The following FARS2 variants were observed in gnomAD, a reference collection of about 807,000 sequenced individuals.
The protein encoded by FARS2 is phenylalanyl-tRNA synthetase 2, mitochondrial.
A neutral mutation model predicts 46.4 loss-of-function variants in FARS2; 40 were observed. The observed-to-expected ratio is 0.86, with a 90% CI of 0.67 to 1.12. The LOEUF (loss-of-function observed/expected upper bound fraction) is 1.12, where lower values mean the gene tolerates loss of function less well. Among genes scored for constraint, FARS2 ranks in the 50% most tolerant of loss-of-function variants. FARS2 has a pLI of 0.00. For synonymous variants in FARS2, 234 were observed against 214.9 expected (o/e 1.09, Z -0.78); for missense variants, 513 against 567.9 (o/e 0.90, Z 0.98).
chr6:5,357,648 A>C (rs1244880458), intron 1 of FARS2, among the ~76,000 whole-genome samples: 1 of 152,246 alleles, frequency 6.6e-6, no homozygotes, highest in African/African-American at 2.4e-5. Flanking sequence ...AAATTTTATC[A>C]AGAACTTACT....
chr6:5,708,502 G>A (rs11757961), intron 6 of FARS2, among the ~76,000 whole-genome samples: 62,916 of 151,918 alleles, frequency 0.41, 15,637 homozygotes, highest in Non-Finnish European at 0.57. Context: ...GGTGAAAAGG[G>A]GGCTCAGTCA....
At chr6:5,711,500 T>C (rs1313696130) in intron 6 of FARS2, among the ~76,000 whole-genome samples, 1 of 152,152 alleles carries the variant, frequency 6.6e-6, no homozygotes, top group Non-Finnish European at 1.5e-5. Context: ...GACCACTGCT[T>C]CCACCACGTG....
chr6:5,549,861 CA>C (rs1771266616), intron 5 of FARS2, among the ~76,000 whole-genome samples: 1 of 152,140 alleles, frequency 6.6e-6, no homozygotes, highest in African/African-American at 2.4e-5. Context: ...AAAATACATT[CA>C]GCCTATCCCA....
intron 3 of FARS2, among the ~76,000 whole-genome samples, chr6:5,422,269 A>G (rs1582058499): frequency 1.3e-5 from 2 of 152,274 alleles, no homozygotes; most frequent in African/African-American, 2.4e-5. Flanking sequence ...GGCCCCTTCC[A>G]CAATGCGTGG....
At position 5,685,132 on chromosome 6, in the gene FARS2, G is replaced by T. The variant is rs576721377; in HGVS notation, c.1217+71812G>T. ...AGCCCAAGAAGCAGCAGAGGCAGCC[G>T]CAAGCAGAATGGAAGCAAAAGGGGA... On this transcript the variant is annotated intron_variant, in intron 6 of 6. Transcript: ENST00000274680. Among the ~76,000 whole-genome samples, 6 of 151,980 alleles carry T rather than the reference G, an allele frequency of 3.9e-5. No homozygotes were observed. In the South Asian group the frequency reaches 1.2e-3, roughly 32 times the overall value.
rs1476347462 is a variant in FARS2 at position 5,311,330 on chromosome 6, G to A, written c.-22+49670G>A. 1.3e-5 allele frequency among the ~76,000 whole-genome samples: 2 copies of A among 152,206 alleles called. No individual in the cohort carries two copies. The highest frequency in any genetic ancestry group is 6.5e-5 in the Admixed American group (1 of 15,270). On this transcript the variant is annotated intron_variant, in intron 1 of 6. Coordinates refer to ENST00000274680, the MANE Select transcript of FARS2 (RefSeq NM_006567.5). This position sits in a 1 kb window ranked among gnomAD's most constrained non-coding sequence, Gnocchi z 4.1. Reference sequence around the variant, plus strand: ...AGGGGTTCCCTCAACCCCTTCAAAAGGGATCACAGGAAACTTTTAGGAAAG... The same window carrying A: ...AGGGGTTCCCTCAACCCCTTCAAAAAGGATCACAGGAAACTTTTAGGAAAG...
chr6:5,412,420 T>A (rs1201173954), intron 3 of FARS2, among the ~76,000 whole-genome samples: 1 of 152,248 alleles, frequency 6.6e-6, no homozygotes, highest in Non-Finnish European at 1.5e-5. Flanking sequence ...TTGCTGCCAC[T>A]GTCTTCATCC....
intron 1 of FARS2, among the ~76,000 whole-genome samples, chr6:5,268,652 T>C (rs896721000): frequency 1.7e-4 from 26 of 152,240 alleles, no homozygotes; most frequent in African/African-American, 6.3e-4. Flanking sequence ...CCTCTAGCTT[T>C]GTTCTTTTTG....
In FARS2 at chr6:5,365,290, T is replaced by G. The variant is rs575672449; in HGVS notation, c.-21-3260T>G. ...AGATACCATTTGAACTTAACAATCT[T>G]GGACCTTTGATTGAGAAGTATACTT... On this transcript the variant is annotated intron_variant, in intron 1 of 6. Transcript: ENST00000274680. Among the ~76,000 whole-genome samples, 32 of 149,132 alleles carry G rather than the reference T, an allele frequency of 2.1e-4. No individual in the cohort carries two copies. The South Asian group carries it at 6.5e-3, about 30-fold the overall frequency.
At position 5,765,926 on chromosome 6, in the gene FARS2, G is replaced by T. The variant is rs1014393371; in HGVS notation, c.1218-5365G>T. Among the ~76,000 whole-genome samples the T allele has an allele frequency of 6.6e-6, 1 of 152,094 alleles. No homozygotes were observed. Among genetic ancestry groups the T allele is most frequent in the Non-Finnish European group, 1.5e-5 (1 of 68,016 alleles). ...AACTGGTGACAATGGAAGCCCCAGAGGTTCAAACATTCTAAGATGCCTATA... is the reference window on the plus strand; with the variant it reads ...AACTGGTGACAATGGAAGCCCCAGATGTTCAAACATTCTAAGATGCCTATA... On this transcript the variant is annotated intron_variant, in intron 6 of 6. Coordinates refer to ENST00000274680, the MANE Select transcript of FARS2 (RefSeq NM_006567.5). This position sits in a 1 kb window ranked among gnomAD's most constrained non-coding sequence, Gnocchi z 4.0.
Position 5,315,738 on chromosome 6 carries a change from T to TTTCTTTCTTTCTTTTTTTCTTTCTTTC in FARS2, c.-21-52809_-21-52808insTTTCTTTCTTTTTTTCTTTCTTTCTTC. ...TTTCTCTTTCTTTCTTTCTTTCTTT[T>TTTCTTTCTTTCTTTTTTTCTTTCTTTC]TTCCTTTCTTTCTTTCTTTCTTTTT... On this transcript the variant is annotated intron_variant, in intron 1 of 6. Coordinates refer to ENST00000274680, the MANE Select transcript of FARS2 (RefSeq NM_006567.5). Among the ~76,000 whole-genome samples the TTTCTTTCTTTCTTTTTTTCTTTCTTTC allele has an allele frequency of 4.3e-4, 54 of 125,254 alleles. 1 individual carries two copies. The highest frequency in any genetic ancestry group is 2.6e-3 in the South Asian group (10 of 3,862). 82.2% of individuals were successfully genotyped at this position (125,254 alleles called of 152,430 possible).
chr6:5,751,849 G>A (rs1222976160), intron 6 of FARS2, among the ~76,000 whole-genome samples: 2 of 152,206 alleles, frequency 1.3e-5, no homozygotes, highest in African/African-American at 2.4e-5. Flanking sequence ...TTCAGTTTGT[G>A]CCTGAGTGCC....
chr6:5,493,209 CAA>C (rs34541325), intron 4 of FARS2, among the ~76,000 whole-genome samples: 85 of 92,826 alleles, frequency 9.2e-4, no homozygotes, highest in East Asian at 3.9e-3. Context: ...GACTGTGTCT[CAA>C]AAAAAAAAAA....
At chr6:5,616,029 A>C (rs1048418284) in intron 6 of FARS2, among the ~76,000 whole-genome samples, 9 of 151,156 alleles carry the variant, frequency 6.0e-5, no homozygotes, top group African/African-American at 1.7e-4. Context: ...AAAAAAAAAA[A>C]AAAAAACAAC....
At chr6:5,467,037 A>C (rs1167499654) in intron 4 of FARS2, 2 of 985,018 alleles carry the variant, frequency 2.0e-6, no homozygotes, top group Non-Finnish European at 2.4e-6. Flanking sequence ...AGTTTTATAG[A>C]TGGACCATGG....
intron 6 of FARS2, among the ~76,000 whole-genome samples, chr6:5,696,539 A>G (rs9502329): frequency 0.4 from 61,011 of 151,982 alleles, 12,864 homozygotes; most frequent in East Asian, 0.69. Context: ...AAAGTATTCT[A>G]TACACCATTA....
chr6:5,668,617 A>T (rs1490768534), intron 6 of FARS2, among the ~76,000 whole-genome samples: 2 of 151,848 alleles, frequency 1.3e-5, no homozygotes, highest in African/African-American at 4.8e-5. Flanking sequence ...GGAATATCCA[A>T]GTTTGAATCC....
At chr6:5,564,053 G>GCTT (rs1446057368) in intron 5 of FARS2, among the ~76,000 whole-genome samples, 1 of 152,168 alleles carries the variant, frequency 6.6e-6, no homozygotes, top group Non-Finnish European at 1.5e-5. Context: ...AAACTTTCAT[G>GCTT]CTTCCTTTTT....
At chr6:5,576,614 A>G (rs1772991768) in intron 5 of FARS2, among the ~76,000 whole-genome samples, 1 of 100,836 alleles carries the variant, frequency 9.9e-6, no homozygotes, top group Non-Finnish European at 2.1e-5. Context: ...TATATATATA[A>G]AGTATATATC....
Sources: allele counts gnomAD v4.1 joint callset (sites outside exome capture counted in the v4.1 genomes callset), GRCh38; gene constraint gnomAD v4.1.1; non-coding constraint Gnocchi (gnomAD v3.1); transcripts MANE v1.5; gene names NCBI Gene and HGNC (gene_info 2026-07-23, HGNC 2026-07-21).